NXPE2: variants seen among roughly 807,000 people sequenced by gnomAD.
The protein encoded by NXPE2 is neurexophilin and PC-esterase domain family member 2.
NXPE2 carries 34 observed loss-of-function variants against 34.4 expected under a neutral mutation model. That is an observed-to-expected ratio of 0.99 (90% confidence interval 0.75 to 1.31). NXPE2 has a LOEUF of 1.31. Among genes scored for constraint, NXPE2 ranks in the 40% most tolerant of loss-of-function variants. The probability of loss-of-function intolerance (pLI) is 0.00; values close to 1 mark genes in which losing one functional copy is unlikely to be tolerated. For synonymous variants in NXPE2, 235 were observed against 231.3 expected, an observed-to-expected ratio of 1.02 and a Z score of -0.15; for missense variants, 649 against 672.5, an observed-to-expected ratio of 0.97 and a Z score of 0.39.
the NXPE2 span, among the ~76,000 whole-genome samples, chr11:114,631,515 G>T: frequency 1.7e-5 from 2 of 116,552 alleles, no homozygotes; most frequent in African/African-American, 6.6e-5. Flanking sequence ...ACACTCTGGG[G>T]ACTGTTGTGG....
intron 3 of NXPE2, among the ~76,000 whole-genome samples, chr11:114,700,577 A>G (rs1279078782): frequency 2.6e-5 from 4 of 152,194 alleles, no homozygotes; most frequent in African/African-American, 7.2e-5. Context: ...GAAGTCATCT[A>G]TGTCTGTCAG....
the NXPE2 span, among the ~76,000 whole-genome samples, chr11:114,466,079 CTCTCTT>C: frequency 6.6e-6 from 1 of 152,114 alleles, no homozygotes; most frequent in Admixed American, 6.6e-5. Context: ...CAATCGATCT[CTCTCTT>C]TGTCTTATAA....
the NXPE2 span, among the ~76,000 whole-genome samples, chr11:114,501,508 A>G: frequency 6.6e-6 from 1 of 152,198 alleles, no homozygotes; most frequent in Non-Finnish European, 1.5e-5. Flanking sequence ...AGAGAATATA[A>G]TATTTATGGT....
At chr11:114,570,797 G>C in the NXPE2 span, 1 of 576,954 alleles carries the variant, frequency 1.7e-6, no homozygotes, top group Admixed American at 3.3e-5. Context: ...TAGCTGAATT[G>C]GTGGCTTATG....
the NXPE2 span, among the ~76,000 whole-genome samples, chr11:114,666,556 G>A: frequency 2.0e-5 from 3 of 152,062 alleles, no homozygotes; most frequent in Non-Finnish European, 2.9e-5. Flanking sequence ...AATGGCATAA[G>A]AAATTAACTG....
chr11:114,709,180 A>G (rs899715966), downstream of NXPE2, among the ~76,000 whole-genome samples: 2 of 152,256 alleles, frequency 1.3e-5, no homozygotes, highest in African/African-American at 4.8e-5. Flanking sequence ...TCACATTTCA[A>G]GTGTTCAATA....
chr11:114,608,568 C>T, the NXPE2 span, among the ~76,000 whole-genome samples: 1 of 150,824 alleles, frequency 6.6e-6, no homozygotes, highest in Non-Finnish European at 1.5e-5. Flanking sequence ...CGTGTGTATC[C>T]ACTGATACCC....
chr11:114,760,563 C>T, the NXPE2 span, among the ~76,000 whole-genome samples: 8,444 of 152,158 alleles, frequency 0.055, 333 homozygotes, highest in Non-Finnish European at 0.085. Context: ...TTCAGAAGCT[C>T]CTTAAGTATT....
At chr11:114,799,293 A>C in the NXPE2 span, among the ~76,000 whole-genome samples, 8 of 11,618 alleles carry the variant, frequency 6.9e-4, no homozygotes, top group South Asian at 3.4e-3. Context: ...CAATGAAGCA[A>C]AAAAAAAAAA....
chr11:114,632,627 TATAATAAATGTAA>T, the NXPE2 span, among the ~76,000 whole-genome samples: 3 of 100,746 alleles, frequency 3.0e-5, no homozygotes, highest in African/African-American at 4.1e-5. Context: ...TATATTTATA[TATAATAAATGTAA>T]ATAATAAATG....
the NXPE2 span, among the ~76,000 whole-genome samples, chr11:114,476,687 A>G: frequency 6.6e-6 from 1 of 152,102 alleles, no homozygotes; most frequent in Non-Finnish European, 1.5e-5. Context: ...TTATAAAACC[A>G]TCAGATCTCT....
chr11:114,808,954 G>A, the NXPE2 span, among the ~76,000 whole-genome samples: 176 of 152,156 alleles, frequency 1.2e-3, no homozygotes, highest in Middle Eastern at 6.8e-3. Flanking sequence ...GTAAAACACC[G>A]GCAAACTGAA....
the NXPE2 span, among the ~76,000 whole-genome samples, chr11:114,637,418 A>G: frequency 2.6e-5 from 4 of 151,886 alleles, no homozygotes; most frequent in African/African-American, 9.7e-5. Flanking sequence ...TCTTTATCCA[A>G]TTTGCCAGTC....
chr11:114,785,540 C>A, the NXPE2 span, among the ~76,000 whole-genome samples: 1 of 152,152 alleles, frequency 6.6e-6, no homozygotes, highest in Non-Finnish European at 1.5e-5. Context: ...TTTCCTCCCC[C>A]TGTCTATGGT....
At chr11:114,687,162 A>T (rs1364586663) in intron 2 of NXPE2, among the ~76,000 whole-genome samples, 2 of 151,892 alleles carry the variant, frequency 1.3e-5, no homozygotes, top group African/African-American at 4.8e-5. Context: ...ATTTGCTTTG[A>T]GGGCTTAGTT....
chr11:114,572,379 T>C, the NXPE2 span, among the ~76,000 whole-genome samples: 1 of 152,166 alleles, frequency 6.6e-6, no homozygotes, highest in South Asian at 2.1e-4. Context: ...AATCTCTGAA[T>C]TGCAGGAAAA....
the NXPE2 span, among the ~76,000 whole-genome samples, chr11:114,499,748 A>G: frequency 2.6e-5 from 4 of 152,230 alleles, no homozygotes; most frequent in South Asian, 4.1e-4. Flanking sequence ...CACTACCCCA[A>G]ATGTTCTCTC....
chr11:114,737,683 C>T, the NXPE2 span, among the ~76,000 whole-genome samples: 1 of 152,134 alleles, frequency 6.6e-6, no homozygotes, highest in Non-Finnish European at 1.5e-5. Context: ...AACTGGGACA[C>T]AAGTCTAGGG....
chr11:114,765,351 G>T, the NXPE2 span, among the ~76,000 whole-genome samples: 1 of 152,182 alleles, frequency 6.6e-6, no homozygotes, highest in East Asian at 1.9e-4. Context: ...AAGTCTACAG[G>T]TGCCATTTTT....
Sources: allele counts gnomAD v4.1 joint callset (sites outside exome capture counted in the v4.1 genomes callset), GRCh38; gene constraint gnomAD v4.1.1; transcripts MANE v1.5; gene names NCBI Gene and HGNC (gene_info 2026-07-23, HGNC 2026-07-21).